The following SGSM2 variants were observed in gnomAD, a reference collection of about 807,000 sequenced individuals.
SGSM2 encodes RUN and TBC1 domain containing 1.
SGSM2 carries 89 observed loss-of-function variants against 126.6 expected under a neutral mutation model. The ratio of observed to expected loss-of-function variants is 0.70; its 90% CI spans 0.59 to 0.84. The LOEUF (loss-of-function observed/expected upper bound fraction) is 0.84. SGSM2 is among the 40% of genes least tolerant of loss of function. The probability of loss-of-function intolerance (pLI) is 0.00; values close to 1 mark genes in which losing one functional copy is unlikely to be tolerated. For missense variants in SGSM2, 1,404 were observed against 1,416.6 expected (o/e 0.99, Z 0.14); for synonymous variants, 614 against 574.3 (o/e 1.07, Z -0.99).
chr17:2,366,240 C>A (rs1373489702), intron 11 of SGSM2, among the ~76,000 whole-genome samples: 1 of 152,140 alleles, frequency 6.6e-6, no homozygotes, highest in Non-Finnish European at 1.5e-5. Context: ...CCTGGACACA[C>A]ACCCCTGGGC....
At position 2,363,360 on chromosome 17, in the gene SGSM2, G is replaced by T; in HGVS notation, c.673-105G>T. The T allele has an allele frequency of 6.5e-7, 1 of 1,541,884 alleles. No individual in the cohort carries two copies. The highest frequency in any genetic ancestry group is 8.8e-7 in the Non-Finnish European group (1 of 1,142,092). ...GCTGGGAGTAAACCGGGGCAGGAAGGACCCCTGGGGTCAGCTGGAGAGGGT... is the reference window on the plus strand; with the variant it reads ...GCTGGGAGTAAACCGGGGCAGGAAGTACCCCTGGGGTCAGCTGGAGAGGGT... On this transcript the variant is annotated intron_variant, in intron 6 of 23. Coordinates refer to ENST00000268989, the MANE Select transcript of SGSM2 (RefSeq NM_014853.3). The surrounding 1 kb of genome is among the most constrained non-coding windows in gnomAD (Gnocchi z 4.2).
intron 2 of SGSM2, among the ~76,000 whole-genome samples, chr17:2,346,290 C>T (rs910958508): frequency 6.6e-6 from 1 of 152,120 alleles, no homozygotes; most frequent in African/African-American, 2.4e-5. Flanking sequence ...TGTACTGGGC[C>T]CCTCAACTCC....
chr17:2,341,648 T>G (rs1239831832), intron 1 of SGSM2, among the ~76,000 whole-genome samples: 1 of 152,210 alleles, frequency 6.6e-6, no homozygotes, highest in Non-Finnish European at 1.5e-5. Context: ...ATGTGTAACA[T>G]TCTGCACTAG....
In SGSM2 at chr17:2,362,510, G is replaced by A. The variant is rs1328404742; in HGVS notation, c.458+240G>A. ...CGTTCCCCAAAAACTGCAGGTGACC[G>A]CCCCGTTCCCCAAAAACTGCAGGTG... On this transcript the variant is annotated intron_variant, in intron 4 of 23. Transcript: ENST00000268989. This position sits in a 1 kb window ranked among gnomAD's most constrained non-coding sequence, Gnocchi z 4.9. Among the ~76,000 whole-genome samples, 5 of 147,714 alleles carry A rather than the reference G, an allele frequency of 3.4e-5. No homozygotes were observed. The highest frequency in any genetic ancestry group is 1.3e-4 in the Admixed American group (2 of 14,826).
At chr17:2,379,411 G>C in intron 23 of SGSM2, 21 bp from the exon 24 acceptor site, 1 of 1,608,732 alleles carries the variant, frequency 6.2e-7, no homozygotes, top group Non-Finnish European at 8.5e-7. Flanking sequence ...CCTCTCTACA[G>C]CTCTTCACGT....
At chr17:2,364,291 T>C (rs1202299424) in intron 8 of SGSM2, 108 bp downstream of exon 8, 18 of 1,400,206 alleles carry the variant, frequency 1.3e-5, no homozygotes, top group Non-Finnish European at 1.8e-5. Context: ...CCTCACTCTT[T>C]ATTTGGACGC....
chr17:2,378,129 A>G (rs1235945831), intron 22 of SGSM2, among the ~76,000 whole-genome samples, 176 bp downstream of exon 22: 2 of 152,134 alleles, frequency 1.3e-5, no homozygotes, highest in South Asian at 2.1e-4. Flanking sequence ...GCCTGGGCCT[A>G]TGGGTTCTTA....
Position 2,379,890 on chromosome 17 carries a change from G to C in SGSM2, c.*370G>C. ...GGATTAACAGGGGCTATAGCGGCCTGGGCCCTACTCAGCTGGGGTGGCAGA... is the reference window on the plus strand; with the variant it reads ...GGATTAACAGGGGCTATAGCGGCCTCGGCCCTACTCAGCTGGGGTGGCAGA... On this transcript the variant is annotated 3_prime_UTR_variant, in exon 24 of 24. Transcript: ENST00000268989. The C allele has an allele frequency of 7.7e-7, 1 of 1,303,490 alleles. No individual in the cohort carries two copies. The highest frequency in any genetic ancestry group is 9.8e-7 in the Non-Finnish European group (1 of 1,020,724). The allele number at this position is 1,303,490 out of a possible 1,614,324, so 80.7% of individuals were successfully genotyped here.
intron 2 of SGSM2, 72 bp from the exon 3 acceptor site, chr17:2,361,565 G>A (rs2065309178): frequency 6.4e-7 from 1 of 1,553,308 alleles, no homozygotes; most frequent in African/African-American, 1.4e-5. Context: ...CCACAGGTAT[G>A]GGGAAGAGGA....
chr17:2,375,470 C>A, intron 17 of SGSM2, 22 bp from the exon 18 acceptor site: 1 of 1,582,666 alleles, frequency 6.3e-7, no homozygotes. Context: ...GCAGGTGGAG[C>A]CGCCCTGTGT....
At chr17:2,349,837 G>A (rs1033204526) in intron 2 of SGSM2, among the ~76,000 whole-genome samples, 2 of 151,380 alleles carry the variant, frequency 1.3e-5, no homozygotes, top group Non-Finnish European at 2.9e-5. Context: ...GCCCAGGCTG[G>A]AGTGCAATGG....
In SGSM2 at chr17:2,367,553, G is replaced by A; in HGVS notation, c.1423+148G>A. On this transcript the variant is annotated intron_variant, in intron 12 of 23. Coordinates refer to ENST00000268989, the MANE Select transcript of SGSM2 (RefSeq NM_014853.3). This position sits in a 1 kb window ranked among gnomAD's most constrained non-coding sequence, Gnocchi z 4.0. ...TCCCTTCCATCGGGGGCAGATCAGG[G>A]AGGGCAGAAGGAGGCCAGACAGGTG... 2.2e-6 allele frequency: 2 copies of A among 905,196 alleles called. No individual in the cohort carries two copies. The highest frequency in any genetic ancestry group is 1.6e-6 in the Non-Finnish European group (1 of 607,298). The allele number at this position is 905,196 out of a possible 1,614,324, so 56.1% of individuals were successfully genotyped here.
At chr17:2,351,279 T>C (rs2064840569) in intron 2 of SGSM2, among the ~76,000 whole-genome samples, 1 of 148,496 alleles carries the variant, frequency 6.7e-6, no homozygotes, top group African/African-American at 2.5e-5. Flanking sequence ...GAGGAGCTAG[T>C]GTTTGAACCC....
rs1445102803 is a variant in SGSM2, at chr17:2,362,921, C to T, written c.526+16C>T. Reference sequence around the variant, plus strand: ...TCTCTTCTAGGTGAGCCTGAGAGCACAGGCACAGTGGGTACGGGGCAGGTG... The same window carrying T: ...TCTCTTCTAGGTGAGCCTGAGAGCATAGGCACAGTGGGTACGGGGCAGGTG... On this transcript the variant is annotated intron_variant, in intron 5 of 23. Coordinates refer to ENST00000268989, the MANE Select transcript of SGSM2 (RefSeq NM_014853.3). The surrounding 1 kb of genome is among the most constrained non-coding windows in gnomAD (Gnocchi z 4.9). The T allele has an allele frequency of 7.4e-6, 12 of 1,614,186 alleles. No individual in the cohort carries two copies. The highest frequency in any genetic ancestry group is 6.7e-5 in the Admixed American group (4 of 60,032).
chr17:2,348,738 C>T (rs976428229), intron 2 of SGSM2, among the ~76,000 whole-genome samples: 5 of 152,056 alleles, frequency 3.3e-5, no homozygotes, highest in South Asian at 2.1e-4. Context: ...GGTGCTCAAT[C>T]GCATTCTACT....
chr17:2,337,819 CCACCCCCCGGCGCGGG>C lies in SGSM2; in HGVS notation c.57+80_57+95del. On this transcript the variant is annotated intron_variant, in intron 1 of 23. Coordinates refer to ENST00000268989, the MANE Select transcript of SGSM2 (RefSeq NM_014853.3). This position sits in a 1 kb window ranked among gnomAD's most constrained non-coding sequence, Gnocchi z 5.1. ...GCCCAGGGGGCAGAAAGGTCCGCGC[CCACCCCCCGGCGCGGG>C]CACCCGGGCCGAACCTGGGCCGGGC... is the stretch of plus-strand genomic sequence containing the variant. 8.2e-7 allele frequency: 1 copy of C among 1,216,876 alleles called. No homozygotes were observed. The highest frequency in any genetic ancestry group is 1.1e-6 in the Non-Finnish European group (1 of 916,946). The allele number at this position is 1,216,876 out of a possible 1,614,324, so 75.4% of individuals were successfully genotyped here.
chr17:2,341,683 AG>A (rs899421973), intron 1 of SGSM2, among the ~76,000 whole-genome samples: 1 of 152,246 alleles, frequency 6.6e-6, no homozygotes, highest in African/African-American at 2.4e-5. Flanking sequence ...CTCCAGTACT[AG>A]GACTGCCTGC....
At position 2,361,678 on chromosome 17, in the gene SGSM2, G is replaced by A. The variant is rs778161270; in HGVS notation, c.175G>A (p.Ala59Thr). ...CCTCTTGCATCAGCTGAGACGCCGTGCCGCTGGCTTCCTGCGCAGTGACAA... is the reference window on the plus strand; with the variant it reads ...CCTCTTGCATCAGCTGAGACGCCGTACCGCTGGCTTCCTGCGCAGTGACAA... ...ACLLHQLRRR[A>T]AGFLRSDKMA... is the part of the protein sequence containing the mutation. The change falls in exon 3 of 24, where the codon GCC (alanine) becomes ACC (threonine). Residue 59 changes from alanine (A) to threonine (T), a missense_variant. Transcript: ENST00000268989. The A allele has an allele frequency of 1.9e-5, 31 of 1,613,890 alleles. No individual in the cohort carries two copies. Among genetic ancestry groups the A allele is most frequent in the Non-Finnish European group, 2.5e-5 (29 of 1,180,022 alleles).
chr17:2,366,046 C>T (rs552041235), intron 11 of SGSM2, among the ~76,000 whole-genome samples: 3 of 152,236 alleles, frequency 2.0e-5, no homozygotes, highest in South Asian at 2.1e-4. Flanking sequence ...CCCGGCCCAG[C>T]GCTTCTTTTT....
Sources: gnomAD v4.1 joint callset for allele counts (sites outside exome capture counted in the v4.1 genomes callset) on GRCh38, gnomAD v4.1.1 for gene constraint, Gnocchi (gnomAD v3.1) non-coding constraint, MANE v1.5 for transcripts, NCBI Gene and HGNC (gene_info 2026-07-23, HGNC 2026-07-21) for gene names.